DNAH9: variants seen among roughly 807,000 people sequenced by gnomAD.
DNAH9 encodes DNAH9 variant protein.
Under a neutral mutation model 471.6 loss-of-function variants are expected in DNAH9, and 345 were observed. That is an observed-to-expected ratio of 0.73 (90% confidence interval 0.67 to 0.80). DNAH9 has a LOEUF of 0.80. Among genes scored for constraint, DNAH9 ranks in the 30% least tolerant of loss-of-function variants. The probability of loss-of-function intolerance (pLI) is 0.00; values close to 1 mark genes in which losing one functional copy is unlikely to be tolerated. For missense variants in DNAH9, 5,407 were observed against 5,609.2 expected (o/e 0.96, Z 1.15); for synonymous variants, 2,093 against 2,123.6 (o/e 0.99, Z 0.40).
intron 22 of DNAH9, among the ~76,000 whole-genome samples, chr17:11,698,850 G>A (rs1366757792): frequency 1.3e-5 from 2 of 152,086 alleles, no homozygotes; most frequent in Non-Finnish European, 2.9e-5. Flanking sequence ...CAGATGCCAT[G>A]GCTGGGAGCA....
At chr17:11,659,759 G>A (rs1259959572) in intron 14 of DNAH9, among the ~76,000 whole-genome samples, 1 of 152,210 alleles carries the variant, frequency 6.6e-6, no homozygotes, top group Non-Finnish European at 1.5e-5. Context: ...TTGATTACCA[G>A]TAAATAGTGT....
intron 64 of DNAH9, among the ~76,000 whole-genome samples, chr17:11,933,562 T>G (rs1246134140): frequency 1.3e-5 from 2 of 151,970 alleles, no homozygotes; most frequent in African/African-American, 2.4e-5. Context: ...GTATTTTTAG[T>G]AGCGATGGGG....
rs34601527 is a variant in DNAH9 at position 11,706,381 on chromosome 17, T to A, written c.5552+1196T>A. 7.0e-3 allele frequency among the ~76,000 whole-genome samples: 1,073 copies of A among 152,262 alleles called. 5 individuals are homozygous for A. Among genetic ancestry groups the A allele is most frequent in the Middle Eastern group, 0.014 (4 of 294 alleles). ...CAGACACTGAACAAGTCACTGGGAA[T>A]ACTAAGATGACTAAAACATTTTCTG... On this transcript the variant is annotated intron_variant, in intron 26 of 68. Transcript: ENST00000262442.
intron 53 of DNAH9, among the ~76,000 whole-genome samples, chr17:11,876,862 T>C (rs1972505377): frequency 6.6e-6 from 1 of 152,062 alleles, no homozygotes; most frequent in Non-Finnish European, 1.5e-5. Flanking sequence ...TAGCTGGGAC[T>C]ACAGGCGCCC....
At position 11,937,565 on chromosome 17, in the gene DNAH9, C is replaced by T. The variant is rs752552950; in HGVS notation, c.12660+43C>T. On this transcript the variant is annotated intron_variant, in intron 66 of 68. Coordinates refer to ENST00000262442, the MANE Select transcript of DNAH9 (RefSeq NM_001372.4). The surrounding 1 kb of genome is among the most constrained non-coding windows in gnomAD (Gnocchi z 4.1). ...TGCCTGAGGTCGTTCTGGGGGACCC[C>T]GAGGATCATAGATGCACACCTTTCT... The T allele has an allele frequency of 5.1e-6, 8 of 1,563,978 alleles. No homozygotes were observed. The highest frequency in any genetic ancestry group is 5.2e-6 in the Non-Finnish European group (6 of 1,151,662).
chr17:11,602,607 A>G (rs939288661), intron 1 of DNAH9, among the ~76,000 whole-genome samples: 3 of 152,174 alleles, frequency 2.0e-5, no homozygotes, highest in Non-Finnish European at 2.9e-5. Context: ...TTGCGTGTGT[A>G]TGATTTTGCC....
Position 11,891,833 on chromosome 17 carries a change from C to T in DNAH9, c.11169C>T (p.Leu3723=). ...AVERAAPDES[L]RERVANLIDS... ...AGAGGGCTGCTCCTGACGAAAGCCT[C>T]AGGGAGCGGGTGGCCAACCTAATAG... The change falls in exon 58 of 69, where the codon CTC becomes CTT. Residue 3723 remains leucine, a synonymous_variant. Transcript: ENST00000262442. 1 of 1,614,074 alleles carries T rather than the reference C, an allele frequency of 6.2e-7. No individual in the cohort carries two copies. The highest frequency in any genetic ancestry group is 8.5e-7 in the Non-Finnish European group (1 of 1,180,002).
intron 62 of DNAH9, among the ~76,000 whole-genome samples, chr17:11,926,276 G>A (rs577926639): frequency 6.6e-6 from 1 of 151,826 alleles, no homozygotes; most frequent in Non-Finnish European, 1.5e-5. Context: ...TAAGTTCTGG[G>A]GTACATGTGC....
intron 11 of DNAH9, 80 bp from the exon 12 acceptor site, chr17:11,646,992 A>G (rs1379663679): frequency 6.7e-6 from 10 of 1,483,718 alleles, no homozygotes; most frequent in Admixed American, 5.7e-5. Flanking sequence ...AGTATCTTCA[A>G]TTTATGTTAC....
At chr17:11,901,476 G>T (rs916223568) in intron 59 of DNAH9, among the ~76,000 whole-genome samples, 5 of 152,058 alleles carry the variant, frequency 3.3e-5, no homozygotes, top group African/African-American at 4.8e-5. Context: ...CGGGTGGATC[G>T]CCTGAGGTCA....
chr17:11,756,767 C>A, intron 34 of DNAH9, 91 bp downstream of exon 34: 1 of 804,232 alleles, frequency 1.2e-6, no homozygotes, highest in Non-Finnish European at 2.1e-6. Context: ...CAGAAGGAAT[C>A]TCCACATGGG....
chr17:11,682,151 G>A (rs896008842), intron 19 of DNAH9, among the ~76,000 whole-genome samples: 1 of 152,010 alleles, frequency 6.6e-6, no homozygotes, highest in Non-Finnish European at 1.5e-5. Flanking sequence ...TAGAGTCATA[G>A]GTTTTATATA....
chr17:11,607,227 T>A (rs2150633870), intron 1 of DNAH9, among the ~76,000 whole-genome samples: 1 of 152,232 alleles, frequency 6.6e-6, no homozygotes, highest in Non-Finnish European at 1.5e-5. Context: ...AGGGAGGGAT[T>A]CCTGCCTGAG....
At chr17:11,855,982 G>A (rs1971610176) in intron 50 of DNAH9, among the ~76,000 whole-genome samples, 1 of 152,128 alleles carries the variant, frequency 6.6e-6, no homozygotes, top group East Asian at 1.9e-4. Context: ...TGTGTATAAA[G>A]CATGAGACTA....
At chr17:11,810,441 T>A in intron 45 of DNAH9, 72 bp downstream of exon 45, 2 of 1,547,494 alleles carry the variant, frequency 1.3e-6, no homozygotes, top group Middle Eastern at 3.5e-4. Flanking sequence ...AGGTGAAGAT[T>A]TCGTCCAGGG....
At position 11,810,156 on chromosome 17, in the gene DNAH9, G is replaced by T. The variant is rs142083728; in HGVS notation, c.8584-90G>T. The T allele has an allele frequency of 9.6e-5, 141 of 1,463,324 alleles. 1 individual carries two copies. The East Asian group carries it at 1.7e-3, about 18-fold the overall frequency. The allele number at this position is 1,463,324 out of a possible 1,614,324, so 90.6% of individuals were successfully genotyped here. A position where few individuals can be genotyped will look rare whatever the true frequency, so the allele number is the denominator to read the frequency against. ...CTTTAATTCCCATTCAAGCAGAGAA[G>T]AAAACGGTTCCATTTCTAAAGAATG... On this transcript the variant is annotated intron_variant, in intron 44 of 68. Coordinates refer to ENST00000262442, the MANE Select transcript of DNAH9 (RefSeq NM_001372.4).
intron 1 of DNAH9, among the ~76,000 whole-genome samples, chr17:11,601,637 T>G (rs2072389561): frequency 6.6e-6 from 1 of 152,216 alleles, no homozygotes; most frequent in Non-Finnish European, 1.5e-5. Flanking sequence ...TCTACTTTTA[T>G]TCCATACCCT....
In DNAH9 at chr17:11,810,364, C is replaced by T; in HGVS notation, c.8702C>T (p.Ala2901Val). The change falls in exon 45 of 69, where the codon GCA (alanine) becomes GTA (valine). Residue 2901 changes from alanine to valine, a missense_variant. Transcript: ENST00000262442. ...RFLVLINDLL[A>V]SGEIPDLYSD... ...CTTGTGCTCATCAATGATCTTTTGG[C>T]ATCTGGTAAGAGATTCCTTGCACTT... 4 of 1,611,514 alleles carry T rather than the reference C, an allele frequency of 2.5e-6. No homozygotes were observed. Among genetic ancestry groups the T allele is most frequent in the Non-Finnish European group, 3.4e-6 (4 of 1,179,068 alleles).
chr17:11,693,544 C>T (rs975812696), intron 20 of DNAH9, among the ~76,000 whole-genome samples: 2 of 152,192 alleles, frequency 1.3e-5, no homozygotes, highest in Admixed American at 1.3e-4. Context: ...CAGGTGTGAG[C>T]CACGGCGCCC....
Sources: allele counts gnomAD v4.1 joint callset (sites outside exome capture counted in the v4.1 genomes callset), GRCh38; gene constraint gnomAD v4.1.1; non-coding constraint Gnocchi (gnomAD v3.1); transcripts MANE v1.5; gene names NCBI Gene and HGNC (gene_info 2026-07-23, HGNC 2026-07-21).